Variants in RAPGEF1 observed in about 807,000 individuals in gnomAD.
RAPGEF1 encodes Rap guanine nucleotide exchange factor 1, also known as CRK SH3-binding GNRP.
Under a neutral mutation model 143.3 loss-of-function variants are expected in RAPGEF1, and 33 were observed. That is an observed-to-expected ratio of 0.23 (90% CI 0.17 to 0.31). The LOEUF (loss-of-function observed/expected upper bound fraction) is 0.31. Ranked by LOEUF, RAPGEF1 falls within the 10% of genes least tolerant of loss-of-function variation. The probability of loss-of-function intolerance (pLI) is 1.00; values close to 1 mark genes in which losing one functional copy is unlikely to be tolerated. For synonymous variants in RAPGEF1, 629 were observed against 676.5 expected (o/e 0.93, Z 1.09); for missense variants, 1,199 against 1,645.4 (o/e 0.73, Z 4.69).
chr9:131,633,892 C>T (rs563455823), intron 5 of RAPGEF1, among the ~76,000 whole-genome samples: 1 of 152,326 alleles, frequency 6.6e-6, no homozygotes, highest in Non-Finnish European at 1.5e-5. Flanking sequence ...GGCATGAGCC[C>T]AACACCTCCT....
At chr9:131,582,760 TG>T in intron 24 of RAPGEF1, 58 bp from the exon 25 acceptor site, 1 of 1,420,568 alleles carries the variant, frequency 7.0e-7, no homozygotes. Context: ...GGGGCAATGC[TG>T]GGGCAGAGCC....
chr9:131,709,437 TGA>T (rs1256039079), intron 1 of RAPGEF1, among the ~76,000 whole-genome samples: 1 of 152,208 alleles, frequency 6.6e-6, no homozygotes, highest in Non-Finnish European at 1.5e-5. Context: ...GCCATCATAT[TGA>T]GAGAGGAATC....
At chr9:131,695,454 G>A (rs991973129) in intron 1 of RAPGEF1, among the ~76,000 whole-genome samples, 1 of 152,220 alleles carries the variant, frequency 6.6e-6, no homozygotes, top group African/African-American at 2.4e-5. Context: ...AAAGCCATCT[G>A]AAGCTATTCA....
chr9:131,614,304 G>A (rs573710280), intron 12 of RAPGEF1, among the ~76,000 whole-genome samples: 1 of 152,258 alleles, frequency 6.6e-6, no homozygotes, highest in African/African-American at 2.4e-5. Flanking sequence ...AAGGACAAAG[G>A]TCAGGATGGC....
At chr9:131,739,585 C>T (rs1837624459) in intron 1 of RAPGEF1, among the ~76,000 whole-genome samples, 185 bp downstream of exon 1, 1 of 149,684 alleles carries the variant, frequency 6.7e-6, no homozygotes, top group South Asian at 2.1e-4. Context: ...CGCTTCCCCC[C>T]GCGCCCGGCA....
At chr9:131,579,728 C>A in intron 26 of RAPGEF1, 81 bp from the exon 27 acceptor site, 2 of 1,468,942 alleles carry the variant, frequency 1.4e-6, no homozygotes, top group South Asian at 1.2e-5. Flanking sequence ...TGGAAGGTGC[C>A]GCGGGGACCA....
At chr9:131,676,706 TGA>T (rs1832412040) in intron 1 of RAPGEF1, among the ~76,000 whole-genome samples, 1 of 152,234 alleles carries the variant, frequency 6.6e-6, no homozygotes, top group Admixed American at 6.5e-5. Context: ...AGTTAGGAAG[TGA>T]GAGGACAAAC....
chr9:131,703,368 T>C (rs1834809588), intron 1 of RAPGEF1, among the ~76,000 whole-genome samples: 1 of 152,198 alleles, frequency 6.6e-6, no homozygotes, highest in Non-Finnish European at 1.5e-5. Context: ...TTTGTTCCAA[T>C]GTTTTTCTTT....
intron 1 of RAPGEF1, among the ~76,000 whole-genome samples, chr9:131,706,490 G>A (rs921164741): frequency 2.0e-5 from 3 of 151,472 alleles, no homozygotes; most frequent in Admixed American, 6.6e-5. Context: ...TCTTGGTTTC[G>A]AACTCCTGAA....
At chr9:131,704,383 C>A (rs1021208585) in intron 1 of RAPGEF1, among the ~76,000 whole-genome samples, 2 of 151,740 alleles carry the variant, frequency 1.3e-5, no homozygotes, top group Admixed American at 1.3e-4. Context: ...TGAGGCAAAT[C>A]CTTAACTCAC....
intron 5 of RAPGEF1, among the ~76,000 whole-genome samples, chr9:131,637,784 G>A (rs1588660281): frequency 1.3e-5 from 2 of 152,314 alleles, no homozygotes; most frequent in East Asian, 1.9e-4. Context: ...ACCCTGAGAT[G>A]CACGATGCTA....
chr9:131,682,980 T>C (rs1833044535), intron 1 of RAPGEF1, among the ~76,000 whole-genome samples: 2 of 152,234 alleles, frequency 1.3e-5, no homozygotes, highest in South Asian at 4.1e-4. Context: ...GACCTGGGGC[T>C]ATTCAACCAA....
intron 1 of RAPGEF1, among the ~76,000 whole-genome samples, chr9:131,735,098 A>C (rs1208062314): frequency 6.6e-6 from 1 of 152,078 alleles, no homozygotes; most frequent in East Asian, 1.9e-4. Flanking sequence ...GCCCAGTTAG[A>C]AGGTATGGCC....
At chr9:131,659,042 C>T (rs895807181) in intron 1 of RAPGEF1, among the ~76,000 whole-genome samples, 3 of 152,226 alleles carry the variant, frequency 2.0e-5, no homozygotes, top group South Asian at 2.1e-4. Flanking sequence ...TCTTGAGAAA[C>T]GCTGTGGCTA....
At chr9:131,642,506 A>G (rs1968295220) in intron 4 of RAPGEF1, among the ~76,000 whole-genome samples, 1 of 152,222 alleles carries the variant, frequency 6.6e-6, no homozygotes, top group Non-Finnish European at 1.5e-5. Flanking sequence ...AACTTAAAGC[A>G]ACCACCTCTT....
At chr9:131,699,030 T>C (rs990234074) in intron 1 of RAPGEF1, among the ~76,000 whole-genome samples, 1 of 152,214 alleles carries the variant, frequency 6.6e-6, no homozygotes, top group African/African-American at 2.4e-5. Flanking sequence ...GATGTTTCCA[T>C]CTCTACCAGG....
intron 1 of RAPGEF1, among the ~76,000 whole-genome samples, chr9:131,722,898 A>AAAT (rs1836369353): frequency 6.6e-6 from 1 of 151,080 alleles, no homozygotes; most frequent in Admixed American, 6.6e-5. Flanking sequence ...AACAAACAAA[A>AAAT]ACAACGGGGC....
chr9:131,704,731 C>T (rs11243476), intron 1 of RAPGEF1, among the ~76,000 whole-genome samples: 57 of 150,704 alleles, frequency 3.8e-4, no homozygotes, highest in Admixed American at 1.9e-3. Flanking sequence ...CAAATCATTT[C>T]GAAAGAGAGG....
intron 1 of RAPGEF1, among the ~76,000 whole-genome samples, chr9:131,719,799 T>C (rs372737638): frequency 6.6e-6 from 1 of 152,006 alleles, no homozygotes; most frequent in Non-Finnish European, 1.5e-5. Flanking sequence ...GATTTGTACA[T>C]AGTCATACAC....
Sources: gnomAD v4.1 joint callset for allele counts (sites outside exome capture counted in the v4.1 genomes callset) on GRCh38, gnomAD v4.1.1 for gene constraint, MANE v1.5 for transcripts, NCBI Gene and HGNC (gene_info 2026-07-23, HGNC 2026-07-21) for gene names.